Variants in YLPM1 observed in about 807,000 individuals in gnomAD.
YLPM1 encodes YLP motif containing 1.
Under a neutral mutation model 230.0 loss-of-function variants are expected in YLPM1, and 99 were observed. The ratio of observed to expected loss-of-function variants is 0.43; its 90% CI spans 0.37 to 0.51. The LOEUF (loss-of-function observed/expected upper bound fraction) is 0.51, where lower values mean the gene tolerates loss of function less well. Among genes scored for constraint, YLPM1 ranks in the 20% least tolerant of loss-of-function variants. The pLI is 0.00. For missense variants in YLPM1, 2,592 were observed against 2,707.7 expected, an observed-to-expected ratio of 0.96 and a Z score of 0.95; for synonymous variants, 984 against 942.5, an observed-to-expected ratio of 1.04 and a Z score of -0.81.
At chr14:74,766,076 T>C (rs2090908526) in intron 1 of YLPM1, among the ~76,000 whole-genome samples, 1 of 152,194 alleles carries the variant, frequency 6.6e-6, no homozygotes, top group African/African-American at 2.4e-5. Context: ...CCCATCTGGT[T>C]TGGTTCTGTT....
At chr14:74,782,862 C>G (rs1038906412) in intron 4 of YLPM1, among the ~76,000 whole-genome samples, 1 of 151,990 alleles carries the variant, frequency 6.6e-6, no homozygotes, top group Non-Finnish European at 1.5e-5. Context: ...AATTCCTGCC[C>G]CCATGGAGCT....
At position 74,820,807 on chromosome 14, in the gene YLPM1, A is replaced by G. The variant is rs140034853; in HGVS notation, c.6031-250A>G. 1.3e-3 allele frequency among the ~76,000 whole-genome samples: 197 copies of G among 152,344 alleles called. 1 individual carries two copies. Among genetic ancestry groups the G allele is most frequent in the African/African-American group, 4.7e-3 (195 of 41,582 alleles). ...CCATAGGCATTCAAAATAGGTAACC[A>G]TCTACTTAGCACTTATACTTAACTT... On this transcript the variant is annotated intron_variant, in intron 16 of 20. Transcript: ENST00000325680.
In YLPM1 at chr14:74,782,089, G is replaced by A. The variant is rs751433318; in HGVS notation, c.2046G>A (p.Pro682=). Residue 682 remains proline, a synonymous_variant, in exon 4 of 21, where the codon CCG becomes CCA. Coordinates refer to ENST00000325680, the MANE Select transcript of YLPM1 (RefSeq NM_019589.3). The part of the protein sequence containing the change: ...PTPVSFGSAP[P]TTYHPPLQSA... ...CTGTGTCTTTTGGTTCTGCCCCACC[G>A]ACAACTTACCATCCTCCGTTGCAAT... The A allele has an allele frequency of 6.2e-6, 10 of 1,613,772 alleles. No homozygotes were observed. The Admixed American group carries it at 1.2e-4, about 19-fold the overall frequency.
intron 1 of YLPM1, among the ~76,000 whole-genome samples, chr14:74,765,777 G>A (rs556241057): frequency 1.2e-4 from 19 of 152,234 alleles, no homozygotes; most frequent in African/African-American, 4.6e-4. Context: ...AATATGTATA[G>A]TTACCATGAA....
chr14:74,798,869 C>T lies in YLPM1; in HGVS notation c.3572C>T (p.Ala1191Val), dbSNP rs764518449. The T allele has an allele frequency of 1.4e-5, 23 of 1,613,694 alleles. No homozygotes were observed. Among genetic ancestry groups the T allele is most frequent in the Non-Finnish European group, 1.6e-5 (19 of 1,179,858 alleles). The change falls in exon 5 of 21, where the codon GCT becomes GTT. Residue 1191 changes from alanine to valine, a missense_variant. By Grantham distance (64) the Ala-to-Val change is moderately conservative (BLOSUM62 0). This residue lies in a region of YLPM1 where 1,862 missense variants were observed against 1,819.8 expected (regional missense o/e 1.02). Coordinates refer to ENST00000325680, the MANE Select transcript of YLPM1 (RefSeq NM_019589.3). ...YPYHRDEPPRAPWNHGEERGH... is the reference protein window; with the variant it reads ...YPYHRDEPPRVPWNHGEERGH... ...TATCACCGGGATGAGCCTCCTAGGGCTCCATGGAACCATGGAGAAGAGCGA... is the reference window on the plus strand; with the variant it reads ...TATCACCGGGATGAGCCTCCTAGGGTTCCATGGAACCATGGAGAAGAGCGA...
chr14:74,764,630 T>A (rs1254825886), intron 1 of YLPM1, among the ~76,000 whole-genome samples: 1 of 152,258 alleles, frequency 6.6e-6, no homozygotes, highest in Non-Finnish European at 1.5e-5. Flanking sequence ...TTCCTTGGTT[T>A]CTTTGACCAT....
intron 1 of YLPM1, among the ~76,000 whole-genome samples, chr14:74,778,020 G>A (rs2140083483): frequency 6.6e-6 from 1 of 151,934 alleles, no homozygotes; most frequent in South Asian, 2.1e-4. Flanking sequence ...AGGAGAAAGA[G>A]AGAAGGCAGA....
chr14:74,821,055 A>G lies in YLPM1; in HGVS notation c.6031-2A>G. ...TTTTTTTTTTTTTAATGGTTGGTAT[A>G]GGTAGAGATGGAAGATTTTGATGCA... On this transcript the variant is annotated splice_acceptor_variant, in intron 16 of 20. Transcript: ENST00000325680. LOFTEE classifies it high-confidence loss of function. The G allele has an allele frequency of 6.7e-7, 1 of 1,490,414 alleles. No individual in the cohort carries two copies. The highest frequency in any genetic ancestry group is 2.4e-5 in the Admixed American group (1 of 41,194). The allele number at this position is 1,490,414 out of a possible 1,614,324, so 92.3% of individuals were successfully genotyped here.
intron 20 of YLPM1, 33 bp downstream of exon 20, chr14:74,835,480 G>A (rs1277423314): frequency 6.4e-7 from 1 of 1,558,330 alleles, no homozygotes; most frequent in African/African-American, 1.4e-5. Flanking sequence ...ATAGCCTACT[G>A]TGTGGTTGCT....
intron 1 of YLPM1, among the ~76,000 whole-genome samples, chr14:74,765,501 T>TTC (rs2090903225): frequency 6.6e-6 from 1 of 152,220 alleles, no homozygotes; most frequent in South Asian, 2.1e-4. Context: ...AGAATAATGA[T>TTC]TCTGTTGGCT....
intron 1 of YLPM1, among the ~76,000 whole-genome samples, chr14:74,778,011 G>GGA (rs2091058781): frequency 6.6e-6 from 1 of 151,800 alleles, no homozygotes; most frequent in Admixed American, 6.6e-5. Flanking sequence ...GAGTGCTTGA[G>GGA]GAGAAAGAGA....
intron 4 of YLPM1, among the ~76,000 whole-genome samples, chr14:74,794,471 C>T (rs569691156): frequency 2.6e-5 from 4 of 152,288 alleles, no homozygotes; most frequent in East Asian, 1.9e-4. Flanking sequence ...CGTGAGCCAC[C>T]GTGCCTGGCA....
In YLPM1 at chr14:74,780,597, A is replaced by G. The variant is rs1350136552; in HGVS notation, c.1290+13A>G. Reference sequence around the variant, plus strand: ...ACCACATATACAGGCAAGTGCTTCCATAGTCCACAATAGGAAGTTGCCCCA... The same window carrying G: ...ACCACATATACAGGCAAGTGCTTCCGTAGTCCACAATAGGAAGTTGCCCCA... On this transcript the variant is annotated intron_variant, in intron 3 of 20. Transcript: ENST00000325680. 3 of 1,580,400 alleles carry G rather than the reference A, an allele frequency of 1.9e-6. No individual in the cohort carries two copies. The highest frequency in any genetic ancestry group is 2.6e-6 in the Non-Finnish European group (3 of 1,159,046).
intron 1 of YLPM1, among the ~76,000 whole-genome samples, chr14:74,770,466 A>G (rs1594807262): frequency 6.6e-6 from 1 of 152,106 alleles, no homozygotes; most frequent in South Asian, 2.1e-4. Flanking sequence ...TCTACTACAA[A>G]TACAAAAAAT....
Position 74,797,874 on chromosome 14 carries a change from T to C in YLPM1, c.2577T>C (p.Leu859=). ...QQQPKSQAEP[L]SGNKEPLADT... ...AACCTAAGTCACAAGCAGAACCTCT[T>C]TCAGGAAACAAAGAACCATTAGCAG... Residue 859 remains leucine (L), a synonymous_variant, in exon 5 of 21, where the codon CTT becomes CTC. Transcript: ENST00000325680. 1 of 1,613,884 alleles carries C rather than the reference T, an allele frequency of 6.2e-7. No individual in the cohort carries two copies. The highest frequency in any genetic ancestry group is 8.5e-7 in the Non-Finnish European group (1 of 1,179,868).
chr14:74,772,359 ATTT>A (rs750529331), intron 1 of YLPM1, among the ~76,000 whole-genome samples: 3 of 138,970 alleles, frequency 2.2e-5, no homozygotes. Flanking sequence ...TATATTCTTA[ATTT>A]TTTTTTTTTT....
chr14:74,780,051 G>A (rs552924142), intron 2 of YLPM1, among the ~76,000 whole-genome samples: 1 of 152,044 alleles, frequency 6.6e-6, no homozygotes, highest in African/African-American at 2.4e-5. Context: ...TGATCCACCC[G>A]CCTTGGCCTC....
intron 17 of YLPM1, among the ~76,000 whole-genome samples, chr14:74,823,267 A>T (rs998718633): frequency 6.6e-6 from 1 of 152,078 alleles, no homozygotes; most frequent in Non-Finnish European, 1.5e-5. Context: ...CAGTAGAGAG[A>T]TAGATTGATT....
Position 74,799,389 on chromosome 14 carries a change from T to C in YLPM1, c.4092T>C (p.Asp1364=), listed in dbSNP as rs781349915. The part of the protein sequence containing the change: ...ERNREHGYDR[D]FRDRGELRIR... ...ATCGAGAGCATGGGTATGATCGAGA[T>C]TTCCGTGATAGGGGTGAGTTGAGGA... Residue 1364 remains aspartate (D), a synonymous_variant, in exon 5 of 21, where the codon GAT becomes GAC. Transcript: ENST00000325680. The C allele has an allele frequency of 3.1e-6, 5 of 1,613,956 alleles. No homozygotes were observed. Among genetic ancestry groups the C allele is most frequent in the Admixed American group, 3.3e-5 (2 of 60,022 alleles).
Sources: gnomAD v4.1 joint callset for allele counts (sites outside exome capture counted in the v4.1 genomes callset) on GRCh38, gnomAD v4.1.1 for gene constraint, gnomAD v4.1.1 regional missense constraint, MANE v1.5 for transcripts, NCBI Gene and HGNC (gene_info 2026-07-23, HGNC 2026-07-21) for gene names.